The following WWOX variants were observed in gnomAD, a reference collection of about 807,000 sequenced individuals.
WWOX encodes the protein WW domain-containing oxidoreductase.
Under a neutral mutation model 46.2 loss-of-function variants are expected in WWOX, and 69 were observed. The observed-to-expected ratio is 1.49, with a 90% CI of 1.23 to 1.82. The LOEUF (loss-of-function observed/expected upper bound fraction) is 1.82, where lower values mean the gene tolerates loss of function less well. WWOX is among the 40% of genes most tolerant of loss of function. The pLI is 0.00. For missense variants in WWOX, 919 were observed against 542.6 expected (o/e 1.69, Z -6.89); for synonymous variants, 359 against 202.6 (o/e 1.77, Z -6.56).
intron 8 of WWOX, among the ~76,000 whole-genome samples, chr16:79,073,655 A>T (rs2048594394): frequency 6.6e-6 from 1 of 152,166 alleles, no homozygotes; most frequent in South Asian, 2.1e-4. Context: ...AATTTTCAAC[A>T]GCCTGGGAAG....
At chr16:78,759,317 G>T (rs1310846071) in intron 8 of WWOX, among the ~76,000 whole-genome samples, 1 of 152,184 alleles carries the variant, frequency 6.6e-6, no homozygotes, top group Non-Finnish European at 1.5e-5. Context: ...ATTCGTAAGT[G>T]TGCACTGTCT....
At chr16:78,578,581 G>C (rs72803969) in intron 8 of WWOX, among the ~76,000 whole-genome samples, 60,592 of 151,272 alleles carry the variant, frequency 0.4, 14,836 homozygotes, top group African/African-American at 0.7. Flanking sequence ...AGCCACCGCG[G>C]CTGGCGAAAA....
At chr16:78,958,670 T>C (rs1487180938) in intron 8 of WWOX, among the ~76,000 whole-genome samples, 6 of 152,220 alleles carry the variant, frequency 3.9e-5, no homozygotes, top group Non-Finnish European at 7.3e-5. Context: ...GGTTTTCTTT[T>C]GGTATTCTCA....
chr16:78,605,152 C>T (rs1389274082), intron 8 of WWOX, among the ~76,000 whole-genome samples: 1 of 150,256 alleles, frequency 6.7e-6, no homozygotes, highest in East Asian at 2.0e-4. Context: ...TCTACTAGAC[C>T]TTCAAAGTCT....
chr16:78,951,739 T>C (rs1193346637), intron 8 of WWOX, among the ~76,000 whole-genome samples: 2 of 151,962 alleles, frequency 1.3e-5, no homozygotes, highest in African/African-American at 4.8e-5. Context: ...CCTGGGCCCA[T>C]GGAAGGGGTG....
chr16:78,100,767 G>T (rs1418870840), intron 1 of WWOX, among the ~76,000 whole-genome samples: 2 of 152,208 alleles, frequency 1.3e-5, no homozygotes, highest in Non-Finnish European at 2.9e-5. Flanking sequence ...GGTACTCTCT[G>T]TTCCTTAACT....
At chr16:78,605,771 C>G (rs890968312) in intron 8 of WWOX, among the ~76,000 whole-genome samples, 2 of 152,142 alleles carry the variant, frequency 1.3e-5, no homozygotes, top group Admixed American at 1.3e-4. Flanking sequence ...TAGGAAGAAG[C>G]TCTGATGAAG....
In WWOX at chr16:78,583,644, G is replaced by C. The variant is rs190776245; in HGVS notation, c.1056+150892G>C. On this transcript the variant is annotated intron_variant, in intron 8 of 8. Transcript: ENST00000566780. Reference sequence around the variant, plus strand: ...CCAGTGATAACATAATGATAATGCAGCTGCTTTCAATGTCAAGCCATCAGG... The same window carrying C: ...CCAGTGATAACATAATGATAATGCACCTGCTTTCAATGTCAAGCCATCAGG... 7.9e-5 allele frequency among the ~76,000 whole-genome samples: 12 copies of C among 152,268 alleles called. 1 individual carries two copies. In the East Asian group the frequency reaches 2.3e-3, roughly 29 times the overall value.
chr16:79,165,727 C>T (rs1443096244), intron 8 of WWOX, among the ~76,000 whole-genome samples: 1 of 152,158 alleles, frequency 6.6e-6, no homozygotes, highest in East Asian at 1.9e-4. Flanking sequence ...TTTACTCTGT[C>T]AGGGTGAAAA....
intron 8 of WWOX, among the ~76,000 whole-genome samples, chr16:78,708,280 T>A (rs2048367611): frequency 6.6e-6 from 1 of 152,224 alleles, no homozygotes; most frequent in African/African-American, 2.4e-5. Context: ...CCATGCAGTA[T>A]TTGGAGCATA....
chr16:78,985,726 G>T (rs1280606250), intron 8 of WWOX, among the ~76,000 whole-genome samples: 2 of 152,112 alleles, frequency 1.3e-5, no homozygotes, highest in Non-Finnish European at 2.9e-5. Context: ...CCAAGGTCGT[G>T]CCACTGCACT....
chr16:78,495,332 G>T (rs757487706), intron 8 of WWOX, among the ~76,000 whole-genome samples: 1 of 151,594 alleles, frequency 6.6e-6, no homozygotes, highest in Non-Finnish European at 1.5e-5. Context: ...GTATAGACGG[G>T]GTTTCACCAT....
chr16:78,806,748 G>T (rs891992776), intron 8 of WWOX, among the ~76,000 whole-genome samples: 1 of 152,124 alleles, frequency 6.6e-6, no homozygotes. Context: ...TAGGCTGTCA[G>T]ACCCACCCCA....
chr16:78,431,811 G>A (rs2083224411), intron 7 of WWOX, among the ~76,000 whole-genome samples: 1 of 151,488 alleles, frequency 6.6e-6, no homozygotes, highest in Non-Finnish European at 1.5e-5. Flanking sequence ...TGACCTCCCA[G>A]GCTGAAGCGA....
chr16:78,525,722 T>G (rs1469541341), intron 8 of WWOX: 3 of 152,170 alleles, frequency 2.0e-5, no homozygotes, highest in African/African-American at 7.2e-5. Flanking sequence ...GAATCTACCA[T>G]AAGCTACTAG....
At chr16:78,210,183 T>G (rs1282257189) in intron 5 of WWOX, among the ~76,000 whole-genome samples, 1 of 152,212 alleles carries the variant, frequency 6.6e-6, no homozygotes, top group African/African-American at 2.4e-5. Flanking sequence ...TGCTTCAATA[T>G]TCAAAGTACA....
Position 78,346,746 on chromosome 16 carries a change from C to A in WWOX, c.517-40114C>A. Among the ~76,000 whole-genome samples the A allele has an allele frequency of 1.7e-5, 2 of 119,318 alleles. 1 individual carries two copies. The highest frequency in any genetic ancestry group is 4.0e-5 in the Non-Finnish European group (2 of 50,110). The allele number at this position is 119,318 out of a possible 152,430, so 78.3% of individuals were successfully genotyped here. A position where few individuals can be genotyped will look rare whatever the true frequency, so the allele number is the denominator to read the frequency against. On this transcript the variant is annotated intron_variant, in intron 5 of 8. Coordinates refer to ENST00000566780, the MANE Select transcript of WWOX (RefSeq NM_016373.4). ...TTGAGATGGAGTCTCGCTCTGTTGC[C>A]CAGTCTGGAGAGCAGTGGTGTGATC...
At chr16:79,080,352 G>C (rs1328739272) in intron 8 of WWOX, among the ~76,000 whole-genome samples, 1 of 152,090 alleles carries the variant, frequency 6.6e-6, no homozygotes, top group Non-Finnish European at 1.5e-5. Context: ...GTATTCCTCT[G>C]TGCACGTCGC....
intron 8 of WWOX, among the ~76,000 whole-genome samples, chr16:78,999,804 C>G (rs972006017): frequency 2.0e-5 from 3 of 152,110 alleles, no homozygotes; most frequent in Non-Finnish European, 4.4e-5. Context: ...GTGCAGACTT[C>G]ACCACTACGC....
Sources: gnomAD v4.1 joint callset for allele counts (sites outside exome capture counted in the v4.1 genomes callset) on GRCh38, gnomAD v4.1.1 for gene constraint, MANE v1.5 for transcripts, NCBI Gene and HGNC (gene_info 2026-07-23, HGNC 2026-07-21) for gene names.